The following RAP1A variants were observed in gnomAD, a reference collection of about 807,000 sequenced individuals.
The protein encoded by RAP1A is RAP1A, member of RAS oncogene family, also known as ras-related protein Rap-1A.
Under a neutral mutation model 26.4 loss-of-function variants are expected in RAP1A, and 6 were observed. The ratio of observed to expected loss-of-function variants is 0.23; its 90% CI spans 0.12 to 0.45. The LOEUF (loss-of-function observed/expected upper bound fraction) is 0.45. Ranked by LOEUF, RAP1A falls within the 20% of genes least tolerant of loss-of-function variation. The probability of loss-of-function intolerance (pLI) is 0.99; values close to 1 mark genes in which losing one functional copy is unlikely to be tolerated. For synonymous variants in RAP1A, 73 were observed against 79.4 expected, an observed-to-expected ratio of 0.92 and a Z score of 0.43; for missense variants, 121 against 217.2, an observed-to-expected ratio of 0.56 and a Z score of 2.78.
intron 1 of RAP1A, among the ~76,000 whole-genome samples, chr1:111,633,582 G>A (rs1659639857): frequency 6.6e-6 from 1 of 152,144 alleles, no homozygotes; most frequent in Admixed American, 6.5e-5. Context: ...TGGGACTTTA[G>A]TATCTCGAAA....
intron 1 of RAP1A, among the ~76,000 whole-genome samples, chr1:111,552,304 A>C (rs1657295957): frequency 6.6e-6 from 1 of 152,176 alleles, no homozygotes; most frequent in Non-Finnish European, 1.5e-5. Context: ...TCAAGTGGCT[A>C]TCTGCCACTG....
At chr1:111,648,206 T>TGTGTGTG in intron 1 of RAP1A, 1 of 140,926 alleles carries the variant, frequency 7.1e-6, no homozygotes, top group South Asian at 8.5e-5. Context: ...TGTGTGTGTA[T>TGTGTGTG]TTTTTTTTTT....
At chr1:111,549,907 C>T (rs948263199) in intron 1 of RAP1A, among the ~76,000 whole-genome samples, 15 of 152,270 alleles carry the variant, frequency 9.9e-5, no homozygotes, top group Non-Finnish European at 2.2e-4. Context: ...CCTGTCCCAG[C>T]CTACCAAAGT....
chr1:111,620,569 C>G (rs188891303), intron 1 of RAP1A, among the ~76,000 whole-genome samples: 1 of 151,216 alleles, frequency 6.6e-6, no homozygotes, highest in Non-Finnish European at 1.5e-5. Flanking sequence ...CAGGGTCTCC[C>G]TTTCCTTCCT....
At chr1:111,574,038 A>G (rs1300474103) in intron 1 of RAP1A, among the ~76,000 whole-genome samples, 1 of 152,140 alleles carries the variant, frequency 6.6e-6, no homozygotes, top group East Asian at 1.9e-4. Context: ...GACTGTTCCT[A>G]TGTCCAAAAT....
intron 1 of RAP1A, among the ~76,000 whole-genome samples, chr1:111,678,224 C>T (rs1194081296): frequency 1.3e-5 from 2 of 152,156 alleles, no homozygotes; most frequent in Non-Finnish European, 1.5e-5. Flanking sequence ...AGAATGACAT[C>T]TTACTAATAA....
At chr1:111,620,295 C>T (rs559217644) in intron 1 of RAP1A, among the ~76,000 whole-genome samples, 1 of 152,358 alleles carries the variant, frequency 6.6e-6, no homozygotes, top group African/African-American at 2.4e-5. Context: ...ATTTCCCTCG[C>T]CGTCTCCCCA....
intron 1 of RAP1A, among the ~76,000 whole-genome samples, chr1:111,621,222 G>C (rs752382295): frequency 1.3e-5 from 2 of 152,168 alleles, no homozygotes; most frequent in Non-Finnish European, 2.9e-5. Context: ...AAGAGATGCT[G>C]CTGGAAACAG....
At chr1:111,629,751 GT>G (rs1245228978) in intron 1 of RAP1A, among the ~76,000 whole-genome samples, 1 of 152,092 alleles carries the variant, frequency 6.6e-6, no homozygotes, top group Admixed American at 6.5e-5. Flanking sequence ...CAAATACTGT[GT>G]TTTTCCTGTG....
intron 1 of RAP1A, among the ~76,000 whole-genome samples, chr1:111,660,313 C>T (rs554934227): frequency 6.6e-6 from 1 of 152,192 alleles, no homozygotes. Flanking sequence ...TGTTTTCCCC[C>T]CCTCTGGCTT....
intron 4 of RAP1A, among the ~76,000 whole-genome samples, chr1:111,699,101 T>C (rs370688629): frequency 3.0e-4 from 46 of 152,302 alleles, no homozygotes; most frequent in African/African-American, 1.0e-3. Context: ...TTATAAGGCC[T>C]ATTTGCTTGT....
chr1:111,574,803 C>T (rs1173821936), intron 1 of RAP1A, among the ~76,000 whole-genome samples: 4 of 152,182 alleles, frequency 2.6e-5, no homozygotes, highest in Non-Finnish European at 5.9e-5. Flanking sequence ...TTTGGGAAGC[C>T]AAATTCAGGG....
chr1:111,566,176 G>A (rs1253095142), intron 1 of RAP1A, among the ~76,000 whole-genome samples: 1 of 152,190 alleles, frequency 6.6e-6, no homozygotes, highest in Non-Finnish European at 1.5e-5. Context: ...AGCTGGGATT[G>A]TTGCAAAGGT....
At chr1:111,620,061 C>T in intron 1 of RAP1A, 127 bp downstream of exon 1, 1 of 393,318 alleles carries the variant, frequency 2.5e-6, no homozygotes, top group Non-Finnish European at 4.5e-6. Context: ...CTCCGCGTTC[C>T]ATCGGTGTCG....
chr1:111,555,429 G>GA (rs1231450500), intron 1 of RAP1A, among the ~76,000 whole-genome samples: 3 of 106,304 alleles, frequency 2.8e-5, no homozygotes, highest in South Asian at 2.9e-4. Flanking sequence ...AATAGTTCCA[G>GA]AAAAAAAATT....
intron 1 of RAP1A, among the ~76,000 whole-genome samples, chr1:111,585,295 G>A (rs933487669): frequency 6.6e-6 from 1 of 152,080 alleles, no homozygotes; most frequent in African/African-American, 2.4e-5. Flanking sequence ...AAACTGTCTC[G>A]TGTGTCTTTA....
At chr1:111,574,096 C>G (rs1254481026) in intron 1 of RAP1A, among the ~76,000 whole-genome samples, 1 of 152,126 alleles carries the variant, frequency 6.6e-6, no homozygotes, top group East Asian at 1.9e-4. Context: ...TTGAGTTTTA[C>G]ATGTAAGTCT....
intron 2 of RAP1A, among the ~76,000 whole-genome samples, chr1:111,691,934 AC>A (rs1485306945): frequency 6.6e-6 from 1 of 152,206 alleles, no homozygotes; most frequent in Non-Finnish European, 1.5e-5. Flanking sequence ...TGTAATAAAT[AC>A]ACAAAGAACT....
chr1:111,684,937 A>G (rs763417369), intron 1 of RAP1A, among the ~76,000 whole-genome samples: 1 of 152,194 alleles, frequency 6.6e-6, no homozygotes, highest in Non-Finnish European at 1.5e-5. Flanking sequence ...AAACAGATAC[A>G]TAGACCAATG....
Sources: gnomAD v4.1 joint callset for allele counts (sites outside exome capture counted in the v4.1 genomes callset) on GRCh38, gnomAD v4.1.1 for gene constraint, MANE v1.5 for transcripts, NCBI Gene and HGNC (gene_info 2026-07-23, HGNC 2026-07-21) for gene names.